SPECC1: variants seen among roughly 807,000 people sequenced by gnomAD.
SPECC1 encodes cytospin-B.
Under a neutral mutation model 104.1 loss-of-function variants are expected in SPECC1, and 62 were observed. That is an observed-to-expected ratio of 0.60 (90% CI 0.49 to 0.74). SPECC1 has a LOEUF of 0.74. SPECC1 is among the 30% of genes least tolerant of loss of function. SPECC1 has a pLI of 0.00. For missense variants in SPECC1, 1,306 were observed against 1,310.5 expected (o/e 1.00, Z 0.05); for synonymous variants, 513 against 501.6 (o/e 1.02, Z -0.30).
intron 12 of SPECC1, among the ~76,000 whole-genome samples, chr17:20,289,028 C>T (rs1465190878): frequency 6.6e-6 from 1 of 151,988 alleles, no homozygotes; most frequent in African/African-American, 2.4e-5. Context: ...CGTGATCCAC[C>T]CATCTCAGCC....
intron 3 of SPECC1, among the ~76,000 whole-genome samples, chr17:20,161,046 A>G (rs529437289): frequency 2.0e-5 from 3 of 152,266 alleles, no homozygotes; most frequent in Non-Finnish European, 4.4e-5. Context: ...CCCCGTCTCT[A>G]CTAAAAATAC....
intron 14 of SPECC1, among the ~76,000 whole-genome samples, chr17:20,309,815 C>CTTTTTT (rs763244105): frequency 1.9e-4 from 20 of 103,362 alleles, no homozygotes; most frequent in Non-Finnish European, 2.8e-4. Context: ...TTCTCCTTTT[C>CTTTTTT]TTTTTTTTTT....
intron 1 of SPECC1, among the ~76,000 whole-genome samples, chr17:20,068,952 CTTTTCA>C (rs2046452721): frequency 6.6e-6 from 1 of 151,996 alleles, no homozygotes; most frequent in Non-Finnish European, 1.5e-5. Flanking sequence ...TGTGGGTTAT[CTTTTCA>C]TTTTCTTTTT....
Position 20,204,511 on chromosome 17 carries a change from C to T in SPECC1, c.462C>T (p.Pro154=), listed in dbSNP as rs1242757969. ...TKHLRTPSTK[P]KQENEGGEKA... is the part of the protein sequence containing the mutation. The stretch of plus-strand genomic sequence containing the variant: ...ACCTGAGGACCCCTTCCACAAAGCC[C>T]AAGCAAGAGAATGAAGGTGGAGAAA... Residue 154 remains proline, a synonymous_variant, in exon 4 of 15, where the codon CCC becomes CCT. Transcript: ENST00000395527. The T allele has an allele frequency of 6.2e-7, 1 of 1,613,982 alleles. No homozygotes were observed. The highest frequency in any genetic ancestry group is 8.5e-7 in the Non-Finnish European group (1 of 1,180,032).
intron 3 of SPECC1, among the ~76,000 whole-genome samples, chr17:20,129,316 C>G (rs1276887104): frequency 6.6e-6 from 1 of 151,998 alleles, no homozygotes; most frequent in South Asian, 2.1e-4. Context: ...TCCCGAGTAG[C>G]TGGGGACTAC....
At chr17:20,138,111 G>A (rs1307845169) in intron 3 of SPECC1, among the ~76,000 whole-genome samples, 2 of 152,136 alleles carry the variant, frequency 1.3e-5, no homozygotes, top group Non-Finnish European at 2.9e-5. Flanking sequence ...TGGGACTACA[G>A]GTGGGCACCT....
chr17:20,111,645 C>T (rs990250139), intron 3 of SPECC1, among the ~76,000 whole-genome samples: 17 of 152,126 alleles, frequency 1.1e-4, no homozygotes, highest in South Asian at 4.2e-4. Flanking sequence ...GAGGACCAGC[C>T]GAGTCCCGGG....
chr17:20,146,161 G>A (rs1300719070), intron 3 of SPECC1, among the ~76,000 whole-genome samples: 12 of 152,146 alleles, frequency 7.9e-5, no homozygotes, highest in Non-Finnish European at 2.9e-5. Flanking sequence ...CCATTACAGA[G>A]TCATACAGAG....
chr17:20,187,236 G>A (rs568791791), intron 3 of SPECC1, among the ~76,000 whole-genome samples: 12 of 152,166 alleles, frequency 7.9e-5, no homozygotes, highest in South Asian at 6.2e-4. Flanking sequence ...GAACTGACTC[G>A]GCATTGGTCA....
At chr17:20,244,022 G>T (rs537881275) in intron 7 of SPECC1, among the ~76,000 whole-genome samples, 1 of 152,054 alleles carries the variant, frequency 6.6e-6, no homozygotes, top group Non-Finnish European at 1.5e-5. Context: ...GTTGAGACCA[G>T]CCTGGGCAAC....
chr17:20,272,756 T>A (rs2040449182), intron 12 of SPECC1, among the ~76,000 whole-genome samples: 1 of 152,250 alleles, frequency 6.6e-6, no homozygotes, highest in Non-Finnish European at 1.5e-5. Context: ...TGATTATATT[T>A]GCTATCATAT....
At chr17:20,230,898 A>C (rs2038532465) in intron 5 of SPECC1, among the ~76,000 whole-genome samples, 1 of 152,176 alleles carries the variant, frequency 6.6e-6, no homozygotes, top group South Asian at 2.1e-4. Flanking sequence ...ACAAACTCTC[A>C]GTCCCACTAG....
intron 2 of SPECC1, among the ~76,000 whole-genome samples, chr17:20,103,642 G>A (rs926861626): frequency 6.6e-6 from 1 of 152,098 alleles, no homozygotes; most frequent in African/African-American, 2.4e-5. Flanking sequence ...TTCTCCTGCC[G>A]ATCTTCCCTT....
At chr17:20,101,646 G>A (rs1470459145) in intron 2 of SPECC1, among the ~76,000 whole-genome samples, 2 of 152,160 alleles carry the variant, frequency 1.3e-5, no homozygotes, top group African/African-American at 4.8e-5. Flanking sequence ...TCATTTGCGA[G>A]GCCCAGGTCT....
At chr17:20,036,172 T>C (rs1043631419) in intron 1 of SPECC1, among the ~76,000 whole-genome samples, 5 of 151,722 alleles carry the variant, frequency 3.3e-5, no homozygotes, top group African/African-American at 1.2e-4. Context: ...TCTCACTCTG[T>C]CACCAGGCTG....
At chr17:20,139,891 G>T (rs1272270779) in intron 3 of SPECC1, among the ~76,000 whole-genome samples, 1 of 152,104 alleles carries the variant, frequency 6.6e-6, no homozygotes, top group Admixed American at 6.6e-5. Flanking sequence ...GGCCAGGCTG[G>T]TCTTGAACTC....
intron 3 of SPECC1, among the ~76,000 whole-genome samples, chr17:20,188,119 A>G (rs1261514740): frequency 1.3e-5 from 2 of 152,240 alleles, no homozygotes; most frequent in African/African-American, 2.4e-5. Context: ...TAACTGGAAC[A>G]TGAGACTTTA....
chr17:20,148,543 G>GAAA (rs10667828), intron 3 of SPECC1, among the ~76,000 whole-genome samples: 34,475 of 135,814 alleles, frequency 0.25, 5,266 homozygotes, highest in African/African-American at 0.44. Context: ...ATGTGCACTA[G>GAAA]AAAAAAAAAA....
chr17:20,230,913 A>G (rs2038534245), intron 5 of SPECC1, among the ~76,000 whole-genome samples: 1 of 152,200 alleles, frequency 6.6e-6, no homozygotes, highest in South Asian at 2.1e-4. Context: ...CACTAGAACT[A>G]GAACTGCTGG....
Sources: allele counts gnomAD v4.1 joint callset (sites outside exome capture counted in the v4.1 genomes callset), GRCh38; gene constraint gnomAD v4.1.1; transcripts MANE v1.5; gene names NCBI Gene and HGNC (gene_info 2026-07-23, HGNC 2026-07-21).